GTF2I: variants seen among roughly 807,000 people sequenced by gnomAD.
GTF2I encodes general transcription factor IIi.
Under a neutral mutation model 67.6 loss-of-function variants are expected in GTF2I, and 12 were observed. The observed-to-expected ratio is 0.18, with a 90% CI of 0.11 to 0.29. The LOEUF (loss-of-function observed/expected upper bound fraction) is 0.29, where lower values mean the gene tolerates loss of function less well. GTF2I is among the 10% of genes least tolerant of loss of function. The pLI is 1.00. For missense variants in GTF2I, 271 were observed against 580.1 expected, an observed-to-expected ratio of 0.47 and a Z score of 5.47; for synonymous variants, 149 against 197.0, an observed-to-expected ratio of 0.76 and a Z score of 2.04.
At chr7:74,702,376 C>T (rs1032010777) in intron 6 of GTF2I, among the ~76,000 whole-genome samples, 13 of 152,140 alleles carry the variant, frequency 8.5e-5, no homozygotes, top group African/African-American at 2.6e-4. Flanking sequence ...TACAGGCACG[C>T]GCCACCACAC....
At chr7:74,661,456 G>C (rs1804482249) in intron 1 of GTF2I, among the ~76,000 whole-genome samples, 1 of 152,162 alleles carries the variant, frequency 6.6e-6, no homozygotes, top group South Asian at 2.1e-4. Flanking sequence ...GAGGGAGGTG[G>C]AACACCTGAA....
chr7:74,704,767 T>A (rs1554400825), intron 6 of GTF2I, among the ~76,000 whole-genome samples: 1 of 148,492 alleles, frequency 6.7e-6, no homozygotes, highest in Admixed American at 6.9e-5. Context: ...GGTAGGAGGA[T>A]TGCTTGATCC....
chr7:74,684,095 C>G (rs906377585), intron 1 of GTF2I, among the ~76,000 whole-genome samples: 1 of 152,162 alleles, frequency 6.6e-6, no homozygotes, highest in Non-Finnish European at 1.5e-5. Context: ...ATGGGCCTGG[C>G]TCAGGTGGCT....
At position 74,706,402 on chromosome 7, in the gene GTF2I, C is replaced by T. The variant is rs1554401414; in HGVS notation, c.654C>T (p.Ile218=). Residue 218 remains isoleucine, a synonymous_variant, in exon 8 of 35, where the codon ATC becomes ATT. Coordinates refer to ENST00000573035, the MANE Select transcript of GTF2I (RefSeq NM_032999.4). Reference sequence around the variant, plus strand: ...CTTCTCCTTGCAGTTGTGGCCCCATCAAAGTGAAAACTGAACCCACAGAAG... The same window carrying T: ...CTTCTCCTTGCAGTTGTGGCCCCATTAAAGTGAAAACTGAACCCACAGAAG... ...ILSPGGSCGP[I]KVKTEPTEDS... The T allele has an allele frequency of 6.2e-7, 1 of 1,613,502 alleles. No homozygotes were observed. Among genetic ancestry groups the T allele is most frequent in the African/African-American group, 1.3e-5 (1 of 74,906 alleles).
intron 7 of GTF2I, 122 bp from the exon 8 acceptor site, chr7:74,706,268 C>A: frequency 1.4e-6 from 1 of 732,120 alleles, no homozygotes; most frequent in Non-Finnish European, 2.4e-6. Flanking sequence ...TAAGCTGAGT[C>A]AGGTTTGCAC....
intron 12 of GTF2I, among the ~76,000 whole-genome samples, chr7:74,721,164 C>T (rs587617989): frequency 1.4e-4 from 21 of 152,346 alleles, no homozygotes; most frequent in South Asian, 6.2e-4. Context: ...GCCTCAGCCT[C>T]CTGAGTAGCT....
rs587605196 is a variant in GTF2I at position 74,696,790 on chromosome 7, C to T, written c.239-2171C>T. On this transcript the variant is annotated intron_variant, in intron 3 of 34. Transcript: ENST00000573035. ...GATTACAGGCATGAGCCACTGCACC[C>T]GGCCTAATTCTCAAGTACCTCTTAC... Among the ~76,000 whole-genome samples the T allele has an allele frequency of 6.6e-5, 10 of 152,214 alleles. No individual in the cohort carries two copies. In the South Asian group the frequency reaches 1.7e-3, roughly 25 times the overall value.
At chr7:74,686,669 G>GGGGAGA in intron 1 of GTF2I, among the ~76,000 whole-genome samples, 1 of 152,246 alleles carries the variant, frequency 6.6e-6, no homozygotes, top group Middle Eastern at 3.4e-3. Flanking sequence ...CTTAGACTTG[G>GGGGAGA]GGGAGAGGGA....
rs192442192 is a variant in GTF2I at position 74,672,929 on chromosome 7, C to T, written c.-6+14861C>T. Among the ~76,000 whole-genome samples, 791 of 152,042 alleles carry T rather than the reference C, an allele frequency of 5.2e-3. 10 individuals carry two copies. The highest frequency in any genetic ancestry group is 0.018 in the African/African-American group (731 of 41,500). ...AGGCTGGAGTGCAGTGGCACGATCT[C>T]GGCTCACTGCAACCTCTGCCTCCTG... On this transcript the variant is annotated intron_variant, in intron 1 of 34. Transcript: ENST00000573035.
At chr7:74,731,026 A>G (rs1253706402) in intron 14 of GTF2I, among the ~76,000 whole-genome samples, 10 of 147,956 alleles carry the variant, frequency 6.8e-5, no homozygotes, top group Admixed American at 3.4e-4. Flanking sequence ...ATCTTGATGT[A>G]TAACTGAGTT....
intron 6 of GTF2I, among the ~76,000 whole-genome samples, chr7:74,704,192 T>C (rs1554400612): frequency 1.3e-5 from 2 of 152,122 alleles, no homozygotes; most frequent in African/African-American, 2.4e-5. Context: ...TGTAAATCTC[T>C]TTTAAGATGG....
chr7:74,706,730 C>A (rs1263158858), intron 8 of GTF2I, among the ~76,000 whole-genome samples: 7 of 152,170 alleles, frequency 4.6e-5, no homozygotes, highest in Non-Finnish European at 1.0e-4. Context: ...TTCTATAGTG[C>A]TTTTTACAAA....
At chr7:74,750,694 G>A (rs1289947535) in intron 26 of GTF2I, among the ~76,000 whole-genome samples, 2 of 64,182 alleles carry the variant, frequency 3.1e-5, no homozygotes, top group Non-Finnish European at 5.2e-5. Context: ...TGCAAATTCC[G>A]CCTCCTGGGT....
chr7:74,688,653 G>A (rs1167291739), intron 1 of GTF2I, among the ~76,000 whole-genome samples: 3 of 152,050 alleles, frequency 2.0e-5, no homozygotes, highest in African/African-American at 7.2e-5. Context: ...AATCTTACAT[G>A]TTACTTGATG....
intron 3 of GTF2I, among the ~76,000 whole-genome samples, chr7:74,692,982 G>A (rs1302536535): frequency 2.6e-5 from 4 of 152,010 alleles, no homozygotes; most frequent in Admixed American, 1.3e-4. Flanking sequence ...GGCTGGTCTC[G>A]TACTCCTGAC....
chr7:74,721,887 G>A lies in GTF2I; in HGVS notation c.943+2946G>A, dbSNP rs930952598. Among the ~76,000 whole-genome samples the A allele has an allele frequency of 1.4e-4, 22 of 152,106 alleles. No homozygotes were observed. In the South Asian group the frequency reaches 4.6e-3, roughly 31 times the overall value. On this transcript the variant is annotated intron_variant, in intron 12 of 34. Coordinates refer to ENST00000573035, the MANE Select transcript of GTF2I (RefSeq NM_032999.4). ...AAAAAAATCCTGCCTTGAGAACAAG[G>A]CAACTTGAAAAGCAAAAGTGCATCT...
chr7:74,675,248 C>T (rs1029933639), intron 1 of GTF2I, among the ~76,000 whole-genome samples: 1 of 152,162 alleles, frequency 6.6e-6, no homozygotes, highest in African/African-American at 2.4e-5. Flanking sequence ...TAGACTGTCT[C>T]TTAACTCAGG....
chr7:74,674,820 G>A (rs1431223587), intron 1 of GTF2I, among the ~76,000 whole-genome samples: 4 of 130,280 alleles, frequency 3.1e-5, no homozygotes, highest in Admixed American at 7.7e-5. Flanking sequence ...GTGCTGGGAT[G>A]ATGGGCATGA....
chr7:74,714,670 A>C (rs1015404262), intron 9 of GTF2I, among the ~76,000 whole-genome samples, 187 bp from the exon 10 acceptor site: 1 of 149,602 alleles, frequency 6.7e-6, no homozygotes, highest in South Asian at 2.1e-4. Context: ...ACCTGATTAC[A>C]TTTTTCCATT....
Sources: allele counts gnomAD v4.1 joint callset (sites outside exome capture counted in the v4.1 genomes callset), GRCh38; gene constraint gnomAD v4.1.1; transcripts MANE v1.5; gene names NCBI Gene and HGNC (gene_info 2026-07-23, HGNC 2026-07-21).